Variants in ASIC2 observed in about 807,000 individuals in gnomAD.
ASIC2 encodes the protein acid sensing ion channel subunit 2.
In ASIC2, 25 loss-of-function variants were observed where a neutral mutation model predicts 57.3. That is an observed-to-expected ratio of 0.44 (90% CI 0.32 to 0.61). ASIC2 has a LOEUF of 0.61. Among genes scored for constraint, ASIC2 ranks in the 20% least tolerant of loss-of-function variants. ASIC2 has a pLI of 0.06. For missense variants in ASIC2, 641 were observed against 738.1 expected, an observed-to-expected ratio of 0.87 and a Z score of 1.52; for synonymous variants, 319 against 307.5, an observed-to-expected ratio of 1.04 and a Z score of -0.39.
chr17:33,532,852 T>A (rs1915095202), intron 1 of ASIC2, among the ~76,000 whole-genome samples: 1 of 152,232 alleles, frequency 6.6e-6, no homozygotes, highest in African/African-American at 2.4e-5. Flanking sequence ...GCCTTGGGAC[T>A]GGTGGCAATT....
At chr17:33,464,025 T>G (rs1490211202) in intron 1 of ASIC2, among the ~76,000 whole-genome samples, 1 of 152,214 alleles carries the variant, frequency 6.6e-6, no homozygotes, top group Non-Finnish European at 1.5e-5. Flanking sequence ...CAATCCAGTT[T>G]TGAAATTCTG....
Position 33,553,389 on chromosome 17 carries a change from A to AATAC in ASIC2, c.556-441323_556-441322insGTAT, listed in dbSNP as rs1915808536. Among the ~76,000 whole-genome samples, 5 of 151,658 alleles carry AATAC rather than the reference A, an allele frequency of 3.3e-5. No individual in the cohort carries two copies. In the South Asian group the frequency reaches 1.0e-3, roughly 32 times the overall value. On this transcript the variant is annotated intron_variant, in intron 1 of 9. Coordinates refer to the ASIC2 transcript ENST00000359872. ...CCAAGACAACAGGTGTCACAACTTA[A>AATAC]AGGGGTAAGACTTGCAAAGAGAGGT...
chr17:33,404,691 G>A (rs563828792), intron 1 of ASIC2, among the ~76,000 whole-genome samples: 1 of 152,352 alleles, frequency 6.6e-6, no homozygotes, highest in East Asian at 1.9e-4. Context: ...CTTCTGGGCT[G>A]TGGAAATCCC....
intron 1 of ASIC2, among the ~76,000 whole-genome samples, chr17:33,225,678 C>A (rs1344459159): frequency 6.6e-6 from 1 of 152,192 alleles, no homozygotes; most frequent in Non-Finnish European, 1.5e-5. Context: ...CAGATCAGTA[C>A]AGCTCTGAGC....
intron 3 of ASIC2, among the ~76,000 whole-genome samples, chr17:33,033,974 T>G (rs2091897613): frequency 6.6e-6 from 1 of 151,996 alleles, no homozygotes; most frequent in African/African-American, 2.4e-5. Flanking sequence ...TCTCTGCTGA[T>G]AGCGGAGACG....
In ASIC2 at chr17:34,069,267, TTTC is replaced by T. The variant is rs199588883; in HGVS notation, c.555+86708_555+86710del. On this transcript the variant is annotated intron_variant, in intron 1 of 9. Transcript: ENST00000359872. ...CCCTCCCTTATTCCTTTCCTTTTCC[TTTC>T]TTCCTTTCCTTCTTCCTTTCTTTCC... 57 of 146,510 alleles carry T rather than the reference TTTC, an allele frequency of 3.9e-4. No individual in the cohort carries two copies. The East Asian group carries it at 9.2e-3, about 24-fold the overall frequency. 9.1% of individuals were successfully genotyped at this position (146,510 alleles called of 1,614,324 possible).
intron 1 of ASIC2, among the ~76,000 whole-genome samples, chr17:33,332,696 G>T (rs916687646): frequency 6.6e-6 from 1 of 152,086 alleles, no homozygotes; most frequent in Non-Finnish European, 1.5e-5. Context: ...TTCGAGAGCA[G>T]CCTGGCCAAC....
At chr17:34,012,120 G>A (rs1244825218) in intron 1 of ASIC2, among the ~76,000 whole-genome samples, 1 of 152,162 alleles carries the variant, frequency 6.6e-6, no homozygotes, top group South Asian at 2.1e-4. Flanking sequence ...GAGTCTAGAA[G>A]TCAATCCAGA....
At chr17:34,006,576 T>C (rs1222813399) in intron 1 of ASIC2, 2 of 152,240 alleles carry the variant, frequency 1.3e-5, no homozygotes, top group African/African-American at 4.8e-5. Flanking sequence ...ATTGTTATCT[T>C]ATTTTTCTTA....
intron 1 of ASIC2, among the ~76,000 whole-genome samples, chr17:33,775,883 A>G (rs1228777659): frequency 6.6e-6 from 1 of 152,180 alleles, no homozygotes; most frequent in African/African-American, 2.4e-5. Context: ...CTGTAATCCC[A>G]GCACTTTGGG....
chr17:33,826,008 G>T (rs1003504341), intron 1 of ASIC2, among the ~76,000 whole-genome samples: 1 of 152,182 alleles, frequency 6.6e-6, no homozygotes, highest in Non-Finnish European at 1.5e-5. Context: ...CTCAAACCCT[G>T]ATGAAATTCC....
intron 1 of ASIC2, among the ~76,000 whole-genome samples, chr17:33,312,883 C>G (rs1205112636): frequency 6.6e-6 from 1 of 152,166 alleles, no homozygotes. Flanking sequence ...TTGCAGTGAG[C>G]TGAGATTGCA....
intron 1 of ASIC2, among the ~76,000 whole-genome samples, chr17:33,499,971 T>C (rs1213198777): frequency 6.6e-6 from 1 of 152,072 alleles, no homozygotes. Context: ...ACAAGTTAAC[T>C]TTTTGCATAA....
intron 1 of ASIC2, among the ~76,000 whole-genome samples, chr17:33,388,584 T>A (rs7225320): frequency 6.6e-6 from 1 of 152,054 alleles, no homozygotes; most frequent in African/African-American, 2.4e-5. Context: ...TACAGACTTT[T>A]ATCAGCAGTG....
intron 1 of ASIC2, among the ~76,000 whole-genome samples, chr17:33,314,264 A>G (rs992688535): frequency 6.6e-6 from 1 of 152,214 alleles, no homozygotes; most frequent in Non-Finnish European, 1.5e-5. Flanking sequence ...TGTTTTTAAC[A>G]TGATACTATT....
intron 1 of ASIC2, among the ~76,000 whole-genome samples, chr17:33,931,585 G>A (rs547701451): frequency 8.1e-4 from 123 of 152,306 alleles, no homozygotes; most frequent in Non-Finnish European, 1.3e-3. Context: ...TGGTATCCCT[G>A]CTTTAGCAAA....
chr17:33,661,140 C>G (rs990057531), intron 1 of ASIC2, among the ~76,000 whole-genome samples: 1 of 152,194 alleles, frequency 6.6e-6, no homozygotes, highest in Admixed American at 6.5e-5. Context: ...CACAGCCGTA[C>G]CTTCCTTTCC....
At chr17:33,872,938 A>G (rs1452085516) in intron 1 of ASIC2, among the ~76,000 whole-genome samples, 2 of 152,176 alleles carry the variant, frequency 1.3e-5, no homozygotes, top group African/African-American at 4.8e-5. Flanking sequence ...GGTGGGAACT[A>G]GGCAAGGGGA....
chr17:33,786,053 C>T (rs377508059), intron 1 of ASIC2, among the ~76,000 whole-genome samples: 4 of 152,122 alleles, frequency 2.6e-5, no homozygotes, highest in Admixed American at 6.5e-5. Context: ...GGCAAGCTCA[C>T]GCAGCTGGAA....
Sources: gnomAD v4.1 joint callset for allele counts (sites outside exome capture counted in the v4.1 genomes callset) on GRCh38, gnomAD v4.1.1 for gene constraint, MANE v1.5 for transcripts, NCBI Gene and HGNC (gene_info 2026-07-23, HGNC 2026-07-21) for gene names.